Variants in NFATC2IP observed in about 807,000 individuals in gnomAD.
NFATC2IP encodes the protein nuclear factor of activated T cells 2 interacting protein.
In NFATC2IP, 25 loss-of-function variants were observed where a neutral mutation model predicts 40.2. That is an observed-to-expected ratio of 0.62 (90% CI 0.45 to 0.87). The LOEUF (loss-of-function observed/expected upper bound fraction) is 0.87, where lower values mean the gene tolerates loss of function less well. Ranked by LOEUF, NFATC2IP falls within the 40% of genes least tolerant of loss-of-function variation. NFATC2IP has a pLI of 0.00. For synonymous variants in NFATC2IP, 241 were observed against 236.3 expected, an observed-to-expected ratio of 1.02 and a Z score of -0.18; for missense variants, 553 against 555.6, an observed-to-expected ratio of 1.00 and a Z score of 0.05.
Position 28,964,512 on chromosome 16 carries a change from A to G in NFATC2IP, c.*649A>G, listed in dbSNP as rs1965122430. On this transcript the variant is annotated 3_prime_UTR_variant, in exon 8 of 8. Coordinates refer to ENST00000320805, the MANE Select transcript of NFATC2IP (RefSeq NM_032815.4). ...TTCTAGTTTGCATTTCCTGGTGCACACATTTAAGGCATAACAGCACATTCA... is the reference window on the plus strand; with the variant it reads ...TTCTAGTTTGCATTTCCTGGTGCACGCATTTAAGGCATAACAGCACATTCA... 1 of 152,574 alleles carries G rather than the reference A, an allele frequency of 6.6e-6. No homozygotes were observed. The highest frequency in any genetic ancestry group is 2.1e-4 in the South Asian group (1 of 4,838). The allele number at this position is 152,574 out of a possible 1,614,324, so 9.5% of individuals were successfully genotyped here. A position where few individuals can be genotyped will look rare whatever the true frequency, so the allele number is the denominator to read the frequency against.
intron 5 of NFATC2IP, chr16:28,956,545 CA>C (rs890737569): frequency 1.8e-6 from 1 of 569,236 alleles, no homozygotes; most frequent in African/African-American, 1.9e-5. Flanking sequence ...CTCTTTCTGG[CA>C]AACTTTCTAC....
intron 3 of NFATC2IP, among the ~76,000 whole-genome samples, chr16:28,954,939 C>A (rs539660979): frequency 8.4e-4 from 128 of 152,208 alleles, no homozygotes; most frequent in African/African-American, 2.8e-3. Context: ...TGGTTCCAAT[C>A]CAGCTTCCCT....
intron 7 of NFATC2IP, among the ~76,000 whole-genome samples, chr16:28,962,029 G>T (rs1306968795): frequency 6.6e-6 from 1 of 151,294 alleles, no homozygotes; most frequent in Non-Finnish European, 1.5e-5. Context: ...TCAGCCTCCT[G>T]AGTAGTTGGG....
rs1485600229 is a variant in NFATC2IP at position 28,963,928 on chromosome 16, C to T, written c.*65C>T. On this transcript the variant is annotated 3_prime_UTR_variant, in exon 8 of 8. Coordinates refer to ENST00000320805, the MANE Select transcript of NFATC2IP (RefSeq NM_032815.4). ...GAGAATGACTTTCCCTTTTTTGCCC[C>T]ATAAGGGCTAGCATAAGCTGAGGTA... The T allele has an allele frequency of 2.0e-6, 3 of 1,488,706 alleles. No individual in the cohort carries two copies. The highest frequency in any genetic ancestry group is 2.8e-5 in the African/African-American group (2 of 72,166). 92.2% of individuals were successfully genotyped at this position (1,488,706 alleles called of 1,614,324 possible). A position where few individuals can be genotyped will look rare whatever the true frequency, so the allele number is the denominator to read the frequency against.
Position 28,965,138 on chromosome 16 carries a change from A to G in NFATC2IP, c.*1275A>G, listed in dbSNP as rs1242916998. ...GTAGATAGTGGTGCAGTGCTTTAACATACATTCATCTGATCAGCATTAATT... is the reference window on the plus strand; with the variant it reads ...GTAGATAGTGGTGCAGTGCTTTAACGTACATTCATCTGATCAGCATTAATT... On this transcript the variant is annotated 3_prime_UTR_variant, in exon 8 of 8. Coordinates refer to ENST00000320805, the MANE Select transcript of NFATC2IP (RefSeq NM_032815.4). The G allele has an allele frequency of 6.6e-6, 1 of 152,178 alleles. No individual in the cohort carries two copies. Among genetic ancestry groups the G allele is most frequent in the Non-Finnish European group, 1.5e-5 (1 of 68,046 alleles). 9.4% of individuals were successfully genotyped at this position (152,178 alleles called of 1,614,324 possible). A position where few individuals can be genotyped will look rare whatever the true frequency, so the allele number is the denominator to read the frequency against.
At chr16:28,951,462 C>T (rs1964966901) in intron 1 of NFATC2IP, 64 bp downstream of exon 1, 2 of 1,327,768 alleles carry the variant, frequency 1.5e-6, no homozygotes, top group Admixed American at 3.7e-5. Context: ...AGGGAGGGGC[C>T]GGCGTTCGGG....
intron 1 of NFATC2IP, among the ~76,000 whole-genome samples, chr16:28,951,866 G>A (rs1409988633): frequency 2.0e-5 from 3 of 152,070 alleles, no homozygotes; most frequent in Non-Finnish European, 4.4e-5. Flanking sequence ...AAGAGTCAGG[G>A]GTAGAGGGGC....
intron 2 of NFATC2IP, among the ~76,000 whole-genome samples, chr16:28,953,672 C>T (rs1275859920): frequency 3.3e-5 from 5 of 152,068 alleles, no homozygotes; most frequent in Non-Finnish European, 7.4e-5. Flanking sequence ...AATCCCAGCA[C>T]TTTGGGAGGC....
chr16:28,951,704 G>A (rs1964969258), intron 1 of NFATC2IP, among the ~76,000 whole-genome samples: 1 of 152,028 alleles, frequency 6.6e-6, no homozygotes, highest in Non-Finnish European at 1.5e-5. Context: ...GAGGACCTGG[G>A]GCCGTTGGAT....
rs1279626800 is a variant in NFATC2IP at position 28,966,110 on chromosome 16, G to GT, written c.*2249dup. 6.6e-6 allele frequency: 1 copy of GT among 152,096 alleles called. No homozygotes were observed. Among genetic ancestry groups the GT allele is most frequent in the Non-Finnish European group, 1.5e-5 (1 of 68,018 alleles). The allele number at this position is 152,096 out of a possible 1,614,324, so 9.4% of individuals were successfully genotyped here. ...ACAGTATGAATTATCTTGTTCTGCA[G>GT]TTGGTTGCTTTTTGATTGCTTATTT... On this transcript the variant is annotated 3_prime_UTR_variant, in exon 8 of 8. Transcript: ENST00000320805.
chr16:28,951,371 G>C lies in NFATC2IP; in HGVS notation c.360G>C (p.Ala120=). ...GGCTGGTGCTGGATCCGGGGGAGGC[G>C]CCGCTGGTTCCGGTGTACTCGGGGA... ...RRRLVLDPGE[A]PLVPVYSGKV... The change falls in exon 1 of 8, where the codon GCG becomes GCC. Residue 120 remains alanine (A), a synonymous_variant. Transcript: ENST00000320805. 1.4e-6 allele frequency: 2 copies of C among 1,406,118 alleles called. No individual in the cohort carries two copies. The highest frequency in any genetic ancestry group is 3.2e-5 in the South Asian group (2 of 62,366). The allele number at this position is 1,406,118 out of a possible 1,614,324, so 87.1% of individuals were successfully genotyped here. A position where few individuals can be genotyped will look rare whatever the true frequency, so the allele number is the denominator to read the frequency against.
intron 2 of NFATC2IP, among the ~76,000 whole-genome samples, chr16:28,953,931 GAAA>G (rs1390254223): frequency 1.2e-5 from 1 of 85,862 alleles, no homozygotes; most frequent in African/African-American, 3.3e-5. Context: ...AAAAAAAAAA[GAAA>G]AACGAAATGC....
At chr16:28,954,791 T>C in intron 3 of NFATC2IP, 109 bp downstream of exon 3, 1 of 661,192 alleles carries the variant, frequency 1.5e-6, no homozygotes, top group Non-Finnish European at 2.7e-6. Context: ...GAAGAAGGGA[T>C]AGAAGGACTG....
rs1423806755 is a variant in NFATC2IP at position 28,966,446 on chromosome 16, A to G, written c.*2583A>G. On this transcript the variant is annotated 3_prime_UTR_variant, in exon 8 of 8. Transcript: ENST00000320805. The stretch of plus-strand genomic sequence containing the variant: ...CAACACAGCGAGACCTTGTCTCTTA[A>G]AAAAAAAAAAAAAAAAAAATGAGAG... 2 of 128,800 alleles carry G rather than the reference A, an allele frequency of 1.6e-5. No homozygotes were observed. The highest frequency in any genetic ancestry group is 3.1e-5 in the Non-Finnish European group (2 of 65,414). 8.0% of individuals were successfully genotyped at this position (128,800 alleles called of 1,614,324 possible). A position where few individuals can be genotyped will look rare whatever the true frequency, so the allele number is the denominator to read the frequency against.
At chr16:28,963,534 G>A (rs1419275518) in intron 7 of NFATC2IP, among the ~76,000 whole-genome samples, 171 bp from the exon 8 acceptor site, 1 of 152,240 alleles carries the variant, frequency 6.6e-6, no homozygotes, top group African/African-American at 2.4e-5. Context: ...TCCCAGAGAG[G>A]AGCCTGGCTG....
intron 7 of NFATC2IP, among the ~76,000 whole-genome samples, chr16:28,962,203 G>A (rs1041789050): frequency 1.3e-5 from 2 of 152,104 alleles, no homozygotes; most frequent in African/African-American, 2.4e-5. Flanking sequence ...ACTGCACCTC[G>A]CCCCCTCCTT....
chr16:28,964,766 C>T lies in NFATC2IP; in HGVS notation c.*903C>T, dbSNP rs1232943156. On this transcript the variant is annotated 3_prime_UTR_variant, in exon 8 of 8. Transcript: ENST00000320805. ...TCACTCAATGTGTGCTAAGATCTAG[C>T]CCCATTGACTCTTCTAGAAATGCAG... 6.6e-6 allele frequency: 1 copy of T among 152,232 alleles called. No individual in the cohort carries two copies. Among genetic ancestry groups the T allele is most frequent in the Non-Finnish European group, 1.5e-5 (1 of 68,042 alleles). 9.4% of individuals were successfully genotyped at this position (152,232 alleles called of 1,614,324 possible).
rs1180868544 is a variant in NFATC2IP, at chr16:28,964,583, C to A, written c.*720C>A. 1.3e-5 allele frequency: 2 copies of A among 152,346 alleles called. No individual in the cohort carries two copies. Among genetic ancestry groups the A allele is most frequent in the Non-Finnish European group, 2.9e-5 (2 of 68,052 alleles). The allele number at this position is 152,346 out of a possible 1,614,324, so 9.4% of individuals were successfully genotyped here. A position where few individuals can be genotyped will look rare whatever the true frequency, so the allele number is the denominator to read the frequency against. ...AGGAATACAGTCCCATGCAAAGATTCTCTGGTTTTATGGCTTTTTTCCCTT... is the reference window on the plus strand; with the variant it reads ...AGGAATACAGTCCCATGCAAAGATTATCTGGTTTTATGGCTTTTTTCCCTT... On this transcript the variant is annotated 3_prime_UTR_variant, in exon 8 of 8. Transcript: ENST00000320805.
intron 2 of NFATC2IP, among the ~76,000 whole-genome samples, chr16:28,953,748 T>C (rs1431738443): frequency 1.3e-5 from 2 of 151,866 alleles, no homozygotes; most frequent in Non-Finnish European, 2.9e-5. Flanking sequence ...TGAGACCCTG[T>C]TTCTACAGAA....
Sources: allele counts gnomAD v4.1 joint callset (sites outside exome capture counted in the v4.1 genomes callset), GRCh38; gene constraint gnomAD v4.1.1; transcripts MANE v1.5; gene names NCBI Gene and HGNC (gene_info 2026-07-23, HGNC 2026-07-21).